Variants in MYH9 observed in about 807,000 individuals in gnomAD.
MYH9 encodes the protein myosin heavy chain 9.
In MYH9, 29 loss-of-function variants were observed where a neutral mutation model predicts 241.9. The ratio of observed to expected loss-of-function variants is 0.12; its 90% CI spans 0.09 to 0.16. The LOEUF (loss-of-function observed/expected upper bound fraction) is 0.16. Ranked by LOEUF, MYH9 falls within the 10% of genes least tolerant of loss-of-function variation. The pLI, the probability that MYH9 is intolerant of heterozygous loss-of-function variation, is 1.00. For missense variants in MYH9, 1,803 were observed against 2,595.5 expected (o/e 0.69, Z 6.63); for synonymous variants, 1,047 against 1,062.6 (o/e 0.99, Z 0.29).
intron 1 of MYH9, among the ~76,000 whole-genome samples, chr22:36,368,443 G>A (rs1423713191): frequency 6.6e-6 from 1 of 152,156 alleles, no homozygotes; most frequent in Non-Finnish European, 1.5e-5. Context: ...ACTGCCTCTA[G>A]GGGTGCAATG....
In MYH9 at chr22:36,282,573, T is replaced by A; in HGVS notation, c.*95A>T. The A allele has an allele frequency of 8.7e-7, 1 of 1,145,314 alleles. No individual in the cohort carries two copies. The highest frequency in any genetic ancestry group is 1.2e-5 in the South Asian group (1 of 82,034). 70.9% of individuals were successfully genotyped at this position (1,145,314 alleles called of 1,614,324 possible). Reference sequence around the variant, plus strand: ...GCAGGAGGAGGCATGTTCACAGCAGTCCCAAGAAGGTGGGGAGAGGCGTGC... The same window carrying A: ...GCAGGAGGAGGCATGTTCACAGCAGACCCAAGAAGGTGGGGAGAGGCGTGC... On this transcript the variant is annotated 3_prime_UTR_variant, in exon 41 of 41. Coordinates refer to ENST00000216181, the MANE Select transcript of MYH9 (RefSeq NM_002473.6).
In MYH9 at chr22:36,326,595, C is replaced by T. The variant is rs374395918; in HGVS notation, c.585G>A (p.Ala195=). ...GGTCCTTCTTGCTCTTGTGCGAGGACGCCACGTACGCCAGATACTGGATGA... is the reference window on the plus strand; with the variant it reads ...GGTCCTTCTTGCTCTTGTGCGAGGATGCCACGTACGCCAGATACTGGATGA... ...KKVIQYLAYV[A]SSHKSKKDQG... The change falls in exon 5 of 41, where the codon GCG becomes GCA. Residue 195 remains alanine, a synonymous_variant. Transcript: ENST00000216181. 27 of 1,614,102 alleles carry T rather than the reference C, an allele frequency of 1.7e-5. No individual in the cohort carries two copies. The highest frequency in any genetic ancestry group is 6.6e-5 in the South Asian group (6 of 91,078).
intron 25 of MYH9, among the ~76,000 whole-genome samples, chr22:36,296,540 C>CTTT: frequency 9.9e-6 from 1 of 100,890 alleles, no homozygotes. Context: ...CTGGTCAAGT[C>CTTT]TTTTTTTTTT....
intron 1 of MYH9, among the ~76,000 whole-genome samples, chr22:36,375,034 G>C (rs1351175053): frequency 6.6e-6 from 1 of 152,134 alleles, no homozygotes; most frequent in Non-Finnish European, 1.5e-5. Context: ...GAGACCATCA[G>C]CTCCCAGAAA....
In MYH9 at chr22:36,316,517, A is replaced by G. The variant is rs876657891; in HGVS notation, c.1380T>C (p.Asp460=). The G allele has an allele frequency of 3.7e-6, 6 of 1,614,026 alleles. No homozygotes were observed. In the African/African-American group the frequency reaches 6.7e-5, roughly 18 times the overall value. ...GTGGGTAATGAAGGGCAAGGCTCAC[A>G]TCAAAGATCTCGAAGCCGGCAATGT... ...ILDIAGFEIF[D]LNSFEQLCIN... The change falls in exon 12 of 41, where the codon GAT becomes GAC. Residue 460 remains aspartate, a splice_region_variant and synonymous_variant. Transcript: ENST00000216181.
intron 2 of MYH9, 53 bp from the exon 3 acceptor site, chr22:36,341,579 G>A: frequency 6.3e-7 from 1 of 1,597,546 alleles, no homozygotes; most frequent in Non-Finnish European, 8.5e-7. Context: ...ATTCTCAGTA[G>A]TGTACAAACT....
chr22:36,312,437 C>T (rs796409305), intron 13 of MYH9, among the ~76,000 whole-genome samples: 2 of 152,340 alleles, frequency 1.3e-5, no homozygotes, highest in African/African-American at 4.8e-5. Context: ...AAGGATCCAT[C>T]GCGGTGGTTC....
At chr22:36,302,473 C>T (rs2146344990) in intron 20 of MYH9, 95 bp downstream of exon 20, 2 of 1,117,230 alleles carry the variant, frequency 1.8e-6, no homozygotes, top group Middle Eastern at 2.3e-4. Flanking sequence ...CATGGTGAGA[C>T]CACACCTCTA....
intron 31 of MYH9, among the ~76,000 whole-genome samples, chr22:36,291,527 G>T (rs1207411123): frequency 6.6e-6 from 1 of 151,884 alleles, no homozygotes; most frequent in Admixed American, 6.6e-5. Flanking sequence ...AGTACCCAGG[G>T]ACACAAACAC....
At position 36,318,372 on chromosome 22, in the gene MYH9, A is replaced by G. The variant is rs745922576; in HGVS notation, c.1109-47T>C. The G allele has an allele frequency of 1.0e-5, 15 of 1,444,492 alleles. No homozygotes were observed. The East Asian group carries it at 3.4e-4, about 33-fold the overall frequency. 89.5% of individuals were successfully genotyped at this position (1,444,492 alleles called of 1,614,324 possible). A position where few individuals can be genotyped will look rare whatever the true frequency, so the allele number is the denominator to read the frequency against. ...GAGAGGGACAAAAAGTCCTAATTAG[A>G]CCCAAGAGAGAAAGTTCTAATTAGA... On this transcript the variant is annotated intron_variant, in intron 10 of 40. Coordinates refer to ENST00000216181, the MANE Select transcript of MYH9 (RefSeq NM_002473.6).
In MYH9 at chr22:36,306,359, C is replaced by G; in HGVS notation, c.2037+55G>C. 1.2e-6 allele frequency: 2 copies of G among 1,602,816 alleles called. No individual in the cohort carries two copies. On this transcript the variant is annotated intron_variant, in intron 16 of 40. Coordinates refer to ENST00000216181, the MANE Select transcript of MYH9 (RefSeq NM_002473.6). This position sits in a 1 kb window ranked among gnomAD's most constrained non-coding sequence, Gnocchi z 4.1. ...CTTTTGCTGGGGAGACAGACAAGGG[C>G]TGAGCACCCCACACCACAGTGCCCT...
intron 4 of MYH9, 59 bp from the exon 5 acceptor site, chr22:36,326,720 C>T: frequency 2.1e-6 from 3 of 1,407,150 alleles, no homozygotes; most frequent in Non-Finnish European, 3.0e-6. Context: ...TGACCTCTGT[C>T]CCTTCCCACT....
chr22:36,291,214 A>C (rs1015055244), intron 31 of MYH9, among the ~76,000 whole-genome samples: 1 of 152,122 alleles, frequency 6.6e-6, no homozygotes. Flanking sequence ...CCATGATGAC[A>C]ATGGCGGTTT....
chr22:36,373,084 C>G (rs984921023), intron 1 of MYH9, among the ~76,000 whole-genome samples: 1 of 152,202 alleles, frequency 6.6e-6, no homozygotes, highest in Non-Finnish European at 1.5e-5. Context: ...AAAGTAGCCA[C>G]TAGGATTCTG....
At position 36,301,168 on chromosome 22, in the gene MYH9, A is replaced by G. The variant is rs2016871340; in HGVS notation, c.2632-111T>C. 4 of 1,085,938 alleles carry G rather than the reference A, an allele frequency of 3.7e-6. No individual in the cohort carries two copies. In the East Asian group the frequency reaches 9.7e-5, roughly 26 times the overall value. 67.3% of individuals were successfully genotyped at this position (1,085,938 alleles called of 1,614,324 possible). A position where few individuals can be genotyped will look rare whatever the true frequency, so the allele number is the denominator to read the frequency against. On this transcript the variant is annotated intron_variant, in intron 21 of 40. Transcript: ENST00000216181. ...CCCAGAGGGAAAGGAACATGCAGAC[A>G]AAAGTAGCTTTCATCTGGAGAGCTC...
At chr22:36,318,662 C>T (rs1218825648) in intron 10 of MYH9, among the ~76,000 whole-genome samples, 1 of 152,194 alleles carries the variant, frequency 6.6e-6, no homozygotes. Context: ...CTCTCAGCCG[C>T]ACTCCTCAGA....
In MYH9 at chr22:36,320,095, A is replaced by G; in HGVS notation, c.1012+125T>C. 1 of 1,321,736 alleles carries G rather than the reference A, an allele frequency of 7.6e-7. No individual in the cohort carries two copies. The highest frequency in any genetic ancestry group is 1.1e-6 in the Non-Finnish European group (1 of 930,796). The allele number at this position is 1,321,736 out of a possible 1,614,324, so 81.9% of individuals were successfully genotyped here. Reference sequence around the variant, plus strand: ...GAGGAATCATTTTCCCATACACTGAAGGCCTTCCCCTTCCCCTGGCCTCTA... The same window carrying G: ...GAGGAATCATTTTCCCATACACTGAGGGCCTTCCCCTTCCCCTGGCCTCTA... On this transcript the variant is annotated intron_variant, in intron 9 of 40. Transcript: ENST00000216181. The surrounding 1 kb of genome is among the most constrained non-coding windows in gnomAD (Gnocchi z 4.8).
intron 1 of MYH9, among the ~76,000 whole-genome samples, chr22:36,361,661 G>A (rs2146406489): frequency 6.6e-6 from 1 of 152,338 alleles, no homozygotes; most frequent in Non-Finnish European, 1.5e-5. Flanking sequence ...GCTTGGGACA[G>A]GCTGGAGGAG....
At position 36,293,233 on chromosome 22, in the gene MYH9, G is replaced by A; in HGVS notation, c.4095+96C>T. On this transcript the variant is annotated intron_variant, in intron 30 of 40. Coordinates refer to ENST00000216181, the MANE Select transcript of MYH9 (RefSeq NM_002473.6). The surrounding 1 kb of genome is among the most constrained non-coding windows in gnomAD (Gnocchi z 5.1). ...CCAGGGGGAGAGCAGCAATGGGCCG[G>A]CCCAGCGGGCAGGGCTGTCCTGCAG... is the stretch of plus-strand genomic sequence containing the variant. The A allele has an allele frequency of 6.5e-7, 1 of 1,531,820 alleles. No homozygotes were observed. 94.9% of individuals were successfully genotyped at this position (1,531,820 alleles called of 1,614,324 possible).
Sources: allele counts gnomAD v4.1 joint callset (sites outside exome capture counted in the v4.1 genomes callset), GRCh38; gene constraint gnomAD v4.1.1; non-coding constraint Gnocchi (gnomAD v3.1); transcripts MANE v1.5; gene names NCBI Gene and HGNC (gene_info 2026-07-23, HGNC 2026-07-21).